The following EML4 variants were observed in gnomAD, a reference collection of about 807,000 sequenced individuals.
EML4 encodes the protein EMAP like 4.
A neutral mutation model predicts 129.0 loss-of-function variants in EML4; 72 were observed. The observed-to-expected ratio is 0.56, with a 90% CI of 0.46 to 0.68. The LOEUF is 0.68. EML4 is among the 30% of genes least tolerant of loss of function. The probability of loss-of-function intolerance (pLI) is 0.00; values close to 1 mark genes in which losing one functional copy is unlikely to be tolerated. For synonymous variants in EML4, 532 were observed against 405.0 expected (o/e 1.31, Z -3.77); for missense variants, 1,363 against 1,190.6 (o/e 1.14, Z -2.13).
chr2:42,324,074 C>G lies in EML4; in HGVS notation c.2155-1393C>G, dbSNP rs1026213362. 1.8e-4 allele frequency among the ~76,000 whole-genome samples: 28 copies of G among 151,952 alleles called. 1 individual carries two copies. The highest frequency in any genetic ancestry group is 1.8e-3 in the Admixed American group (28 of 15,264). ...CTTTGGGAGGCTGAGGTGGGCATAT[C>G]ACTTGAGGCCAGGAGTTCGAGACCA... On this transcript the variant is annotated intron_variant, in intron 19 of 22. Transcript: ENST00000318522.
Position 42,330,549 on chromosome 2 carries a change from C to A in EML4, c.*342C>A. The A allele has an allele frequency of 2.3e-6, 1 of 437,262 alleles. No individual in the cohort carries two copies. 27.1% of individuals were successfully genotyped at this position (437,262 alleles called of 1,614,324 possible). Reference sequence around the variant, plus strand: ...AAAACAAACCCCCTTGTTATCTGAACATGTTTTCTTCAGGAACAACCAGAG... The same window carrying A: ...AAAACAAACCCCCTTGTTATCTGAAAATGTTTTCTTCAGGAACAACCAGAG... On this transcript the variant is annotated 3_prime_UTR_variant, in exon 23 of 23. Coordinates refer to ENST00000318522, the MANE Select transcript of EML4 (RefSeq NM_019063.5).
chr2:42,209,226 A>T (rs1672738396), intron 1 of EML4, among the ~76,000 whole-genome samples: 1 of 152,222 alleles, frequency 6.6e-6, no homozygotes. Flanking sequence ...ATTTTTAGAC[A>T]ATTATGTTAA....
chr2:42,296,994 C>G (rs998749168), intron 13 of EML4, among the ~76,000 whole-genome samples: 1 of 152,146 alleles, frequency 6.6e-6, no homozygotes, highest in Admixed American at 6.5e-5. Flanking sequence ...AATGTCTAAG[C>G]TTGGCAGTTG....
At chr2:42,261,918 G>C (rs1224917697) in intron 4 of EML4, among the ~76,000 whole-genome samples, 1 of 152,156 alleles carries the variant, frequency 6.6e-6, no homozygotes, top group Non-Finnish European at 1.5e-5. Flanking sequence ...TTCTAACAAT[G>C]TGTGTGAGCC....
chr2:42,228,914 T>C (rs1210894109), intron 1 of EML4, among the ~76,000 whole-genome samples: 1 of 152,196 alleles, frequency 6.6e-6, no homozygotes, highest in African/African-American at 2.4e-5. Context: ...ATAACATATA[T>C]CTTTGTGTTG....
rs771300721 is a variant in EML4 at position 42,286,307 on chromosome 2, T to C, written c.1050T>C (p.Thr350=). 8 of 1,613,884 alleles carry C rather than the reference T, an allele frequency of 5.0e-6. No homozygotes were observed. The highest frequency in any genetic ancestry group is 5.9e-6 in the Non-Finnish European group (7 of 1,179,848). The change falls in exon 10 of 23, where the codon ACT becomes ACC. Residue 350 remains threonine (T), a synonymous_variant. Coordinates refer to ENST00000318522, the MANE Select transcript of EML4 (RefSeq NM_019063.5). ...ACGTCAGAGTGTGGGATTCTGTTAC[T>C]CTATCCACACTGCAGATTATTGGAC... is the stretch of plus-strand genomic sequence containing the variant. ...QPHVRVWDSV[T]LSTLQIIGLG... is the part of the protein sequence containing the mutation.
intron 1 of EML4, among the ~76,000 whole-genome samples, chr2:42,182,879 C>T (rs1671028904): frequency 6.6e-6 from 1 of 152,164 alleles, no homozygotes; most frequent in Non-Finnish European, 1.5e-5. Context: ...CCTCATGTGG[C>T]CTTTTCTTTG....
chr2:42,329,657 C>T (rs567438112), intron 22 of EML4, 77 bp from the exon 23 acceptor site: 84 of 1,228,330 alleles, frequency 6.8e-5, no homozygotes, highest in South Asian at 1.9e-4. Context: ...ACCCCCCTTA[C>T]GTATCACCTC....
intron 1 of EML4, among the ~76,000 whole-genome samples, chr2:42,206,364 C>T (rs944407990): frequency 7.2e-5 from 11 of 152,266 alleles, no homozygotes; most frequent in African/African-American, 2.6e-4. Flanking sequence ...TAAGTGTACT[C>T]CACTGTATCC....
chr2:42,230,042 C>T (rs1005611131), intron 1 of EML4, among the ~76,000 whole-genome samples: 2 of 152,206 alleles, frequency 1.3e-5, no homozygotes, highest in East Asian at 3.9e-4. Context: ...CAGATTCCCC[C>T]TCAGCTACAC....
intron 17 of EML4, among the ~76,000 whole-genome samples, chr2:42,307,442 C>G (rs1572730504): frequency 6.6e-6 from 1 of 152,162 alleles, no homozygotes; most frequent in African/African-American, 2.4e-5. Context: ...AGTGTTCATT[C>G]TGTATGTAAC....
intron 17 of EML4, among the ~76,000 whole-genome samples, chr2:42,310,663 G>A (rs1194453628): frequency 6.6e-6 from 1 of 152,120 alleles, no homozygotes; most frequent in African/African-American, 2.4e-5. Flanking sequence ...TGGTTCTAAT[G>A]TATATACTCC....
At chr2:42,229,538 G>T (rs1418915500) in intron 1 of EML4, among the ~76,000 whole-genome samples, 1 of 152,082 alleles carries the variant, frequency 6.6e-6, no homozygotes, top group African/African-American at 2.4e-5. Context: ...TAACTGTCTT[G>T]CAAGAGTCAC....
At chr2:42,235,602 C>G (rs1457104638) in intron 1 of EML4, among the ~76,000 whole-genome samples, 2 of 152,154 alleles carry the variant, frequency 1.3e-5, no homozygotes, top group African/African-American at 4.8e-5. Context: ...TGCACAGTAT[C>G]TCAGCATAAG....
Position 42,320,160 on chromosome 2 carries a change from A to T in EML4, c.2154+2636A>T, listed in dbSNP as rs1002733920. On this transcript the variant is annotated intron_variant, in intron 19 of 22. Transcript: ENST00000318522. ...TGCATGGGTCCCTTAATGAATGATG[A>T]CATCATTATAGTCCAGGGCCTTGCT... Among the ~76,000 whole-genome samples the T allele has an allele frequency of 2.0e-5, 3 of 152,092 alleles. No individual in the cohort carries two copies. In the East Asian group the frequency reaches 5.8e-4, roughly 29 times the overall value.
At chr2:42,236,329 G>GAT (rs1214152884) in intron 1 of EML4, among the ~76,000 whole-genome samples, 5 of 152,162 alleles carry the variant, frequency 3.3e-5, no homozygotes, top group Non-Finnish European at 7.4e-5. Context: ...ACAATTGATA[G>GAT]ATATTTAGGT....
Position 42,169,535 on chromosome 2 carries a change from A to G in EML4, c.-77A>G, listed in dbSNP as rs1670123818. 15 of 1,528,144 alleles carry G rather than the reference A, an allele frequency of 9.8e-6. No individual in the cohort carries two copies. Among genetic ancestry groups the G allele is most frequent in the East Asian group, 2.4e-5 (1 of 41,358 alleles). 94.7% of individuals were successfully genotyped at this position (1,528,144 alleles called of 1,614,324 possible). A position where few individuals can be genotyped will look rare whatever the true frequency, so the allele number is the denominator to read the frequency against. On this transcript the variant is annotated 5_prime_UTR_variant, in exon 1 of 23. Transcript: ENST00000318522. ...CCTAGAGAACGAGCGGGTCAGGCTC[A>G]GCGTCGGCCACTCTGTCGGTCCGCT... is the stretch of plus-strand genomic sequence containing the variant.
chr2:42,179,095 AAAAT>A (rs759441230), intron 1 of EML4, among the ~76,000 whole-genome samples: 1 of 152,188 alleles, frequency 6.6e-6, no homozygotes, highest in Non-Finnish European at 1.5e-5. Flanking sequence ...GTGCATGATC[AAAAT>A]AAATATCACC....
chr2:42,221,564 C>T (rs1673599909), intron 1 of EML4, among the ~76,000 whole-genome samples: 1 of 151,706 alleles, frequency 6.6e-6, no homozygotes, highest in African/African-American at 2.4e-5. Flanking sequence ...CACACCCAAC[C>T]ATGCCTGACT....
Sources: allele counts gnomAD v4.1 joint callset (sites outside exome capture counted in the v4.1 genomes callset), GRCh38; gene constraint gnomAD v4.1.1; transcripts MANE v1.5; gene names NCBI Gene and HGNC (gene_info 2026-07-23, HGNC 2026-07-21).